Variants in CHCHD3 observed in about 807,000 individuals in gnomAD.
CHCHD3 encodes coiled-coil-helix-coiled-coil-helix domain containing 3, also known as MICOS complex subunit MIC19.
In CHCHD3, 20 loss-of-function variants were observed where a neutral mutation model predicts 38.2. The observed-to-expected ratio is 0.52, with a 90% CI of 0.37 to 0.76. The LOEUF is 0.76. Among genes scored for constraint, CHCHD3 ranks in the 30% least tolerant of loss-of-function variants. The pLI is 0.00. For synonymous variants in CHCHD3, 82 were observed against 100.0 expected, an observed-to-expected ratio of 0.82 and a Z score of 1.07; for missense variants, 245 against 279.2, an observed-to-expected ratio of 0.88 and a Z score of 0.87.
At chr7:132,928,253 T>C (rs1810422303) in intron 4 of CHCHD3, among the ~76,000 whole-genome samples, 1 of 152,210 alleles carries the variant, frequency 6.6e-6, no homozygotes, top group Non-Finnish European at 1.5e-5. Context: ...TTAGGAAAGA[T>C]GTGCCAGGAA....
intron 3 of CHCHD3, among the ~76,000 whole-genome samples, chr7:133,008,242 G>A (rs1272790609): frequency 1.3e-5 from 2 of 152,088 alleles, no homozygotes; most frequent in African/African-American, 4.8e-5. Context: ...GATCAAGTAA[G>A]AAGATTTCCT....
At chr7:133,029,745 C>T (rs1584656558) in intron 2 of CHCHD3, among the ~76,000 whole-genome samples, 1 of 152,044 alleles carries the variant, frequency 6.6e-6, no homozygotes, top group African/African-American at 2.4e-5. Flanking sequence ...CTTCTCTATC[C>T]CCTTCTCCCT....
intron 1 of CHCHD3, among the ~76,000 whole-genome samples, chr7:133,081,466 C>T (rs1815169061): frequency 6.6e-6 from 1 of 152,146 alleles, no homozygotes; most frequent in Non-Finnish European, 1.5e-5. Flanking sequence ...CCCTGGGAGA[C>T]AGGGTGTGCA....
chr7:133,043,858 G>C (rs1813902775), intron 2 of CHCHD3, among the ~76,000 whole-genome samples: 1 of 152,166 alleles, frequency 6.6e-6, no homozygotes, highest in Admixed American at 6.6e-5. Flanking sequence ...ACCTTTCTAA[G>C]ATTAAGTAGC....
chr7:132,947,763 C>G (rs1810933352), intron 4 of CHCHD3, among the ~76,000 whole-genome samples: 1 of 151,716 alleles, frequency 6.6e-6, no homozygotes, highest in South Asian at 2.1e-4. Flanking sequence ...GCATTAAAAC[C>G]TTCCTGCCAA....
At chr7:132,986,936 A>G (rs554699201) in intron 3 of CHCHD3, among the ~76,000 whole-genome samples, 3 of 152,268 alleles carry the variant, frequency 2.0e-5, no homozygotes, top group Non-Finnish European at 4.4e-5. Flanking sequence ...ACGAGCTGCC[A>G]GTCTTTTGGT....
At chr7:132,871,052 G>A (rs1808756365) in intron 5 of CHCHD3, among the ~76,000 whole-genome samples, 1 of 152,154 alleles carries the variant, frequency 6.6e-6, no homozygotes, top group African/African-American at 2.4e-5. Context: ...TGTCTGGCAA[G>A]ACTTGAAGCA....
At chr7:132,804,083 A>G (rs769949012) in intron 6 of CHCHD3, among the ~76,000 whole-genome samples, 9 of 152,026 alleles carry the variant, frequency 5.9e-5, no homozygotes, top group East Asian at 1.9e-4. Flanking sequence ...GGAGTCCCCA[A>G]TGTAGCCAAG....
At chr7:132,937,246 GAATGAGAAC>G (rs1323284144) in intron 4 of CHCHD3, among the ~76,000 whole-genome samples, 1 of 152,134 alleles carries the variant, frequency 6.6e-6, no homozygotes, top group Non-Finnish European at 1.5e-5. Context: ...AAAAAGTAGT[GAATGAGAAC>G]TGGACATAGA....
chr7:132,857,684 A>G (rs1384756865), intron 5 of CHCHD3, among the ~76,000 whole-genome samples: 1 of 152,206 alleles, frequency 6.6e-6, no homozygotes, highest in African/African-American at 2.4e-5. Flanking sequence ...CTGGGATTAC[A>G]GGCATGAGCC....
chr7:132,883,468 T>C (rs1314251260), intron 5 of CHCHD3, among the ~76,000 whole-genome samples: 1 of 152,152 alleles, frequency 6.6e-6, no homozygotes, highest in African/African-American at 2.4e-5. Context: ...AGCCTTGTGC[T>C]CTAAATCAGA....
intron 4 of CHCHD3, among the ~76,000 whole-genome samples, chr7:132,969,392 T>G (rs1811554278): frequency 6.6e-6 from 1 of 152,046 alleles, no homozygotes. Flanking sequence ...GGGACAAAAA[T>G]ACCTAATGAT....
intron 3 of CHCHD3, among the ~76,000 whole-genome samples, chr7:133,002,494 A>G (rs150025710): frequency 1.3e-5 from 2 of 152,198 alleles, no homozygotes; most frequent in East Asian, 3.9e-4. Context: ...AATCCATGAT[A>G]ATTAGGCTTT....
intron 2 of CHCHD3, among the ~76,000 whole-genome samples, chr7:133,044,606 C>A (rs1371270994): frequency 6.6e-6 from 1 of 152,206 alleles, no homozygotes; most frequent in Non-Finnish European, 1.5e-5. Flanking sequence ...TAATAGTATT[C>A]TCCAGCCCTA....
intron 6 of CHCHD3, among the ~76,000 whole-genome samples, chr7:132,830,410 G>A (rs1045808188): frequency 6.6e-6 from 1 of 152,170 alleles, no homozygotes; most frequent in Non-Finnish European, 1.5e-5. Context: ...CCACTATCTT[G>A]CAGTTGAATA....
intron 4 of CHCHD3, among the ~76,000 whole-genome samples, chr7:132,952,782 G>A (rs943702262): frequency 6.6e-6 from 1 of 152,186 alleles, no homozygotes; most frequent in African/African-American, 2.4e-5. Flanking sequence ...ACCTACAAAA[G>A]GATTTTAAGT....
At chr7:132,879,633 C>G (rs909466500) in intron 5 of CHCHD3, among the ~76,000 whole-genome samples, 1 of 141,548 alleles carries the variant, frequency 7.1e-6, no homozygotes, top group Non-Finnish European at 1.5e-5. Context: ...GACCAACAGA[C>G]TCCTGAAAAA....
chr7:132,815,094 T>C (rs925268537), intron 6 of CHCHD3, among the ~76,000 whole-genome samples: 17 of 152,256 alleles, frequency 1.1e-4, no homozygotes, highest in Non-Finnish European at 2.1e-4. Context: ...GAGCATTTTA[T>C]CAAGGCATTT....
intron 4 of CHCHD3, among the ~76,000 whole-genome samples, chr7:132,897,398 C>G (rs1389136182): frequency 6.6e-6 from 1 of 152,206 alleles, no homozygotes; most frequent in African/African-American, 2.4e-5. Context: ...TTAATGTTCA[C>G]ACTATTGGGA....
Sources: gnomAD v4.1 joint callset for allele counts (sites outside exome capture counted in the v4.1 genomes callset) on GRCh38, gnomAD v4.1.1 for gene constraint, MANE v1.5 for transcripts, NCBI Gene and HGNC (gene_info 2026-07-23, HGNC 2026-07-21) for gene names.